The following EXOC1L variants were observed in gnomAD, a reference collection of about 807,000 sequenced individuals.
The protein encoded by EXOC1L is exocyst complex component 1-like.
Under a neutral mutation model 4.9 loss-of-function variants are expected in EXOC1L, and 10 were observed. The ratio of observed to expected loss-of-function variants is 2.02; its 90% CI spans 1.25 to 3.43. EXOC1L has a LOEUF of 3.43. EXOC1L is among the 30% of genes most tolerant of loss of function. EXOC1L has a pLI of 0.00. For missense variants in EXOC1L, 114 were observed against 59.4 expected (o/e 1.92, Z -3.02); for synonymous variants, 41 against 20.8 (o/e 1.97, Z -2.63).
rs1220655935 is a variant in EXOC1L, at chr4:55,831,338, CA to C, written c.131del (p.Lys44ArgfsTer4). The C allele has an allele frequency of 6.2e-6, 4 of 641,780 alleles. No homozygotes were observed. Among genetic ancestry groups the C allele is most frequent in the Non-Finnish European group, 8.3e-6 (3 of 359,620 alleles). The allele number at this position is 641,780 out of a possible 1,614,324, so 39.8% of individuals were successfully genotyped here. A position where few individuals can be genotyped will look rare whatever the true frequency, so the allele number is the denominator to read the frequency against. On this transcript the variant is annotated frameshift_variant, in exon 2 of 3. Coordinates refer to ENST00000636125, the MANE Select transcript of EXOC1L (RefSeq NM_001351574.3). LOFTEE classifies it high-confidence loss of function. Reference sequence around the variant, plus strand: ...AAGTATTTTTCTGTCCTACAGTGACCAAAAAGGAAGAAGTAAAAATAGTCAT... The same window carrying C: ...AAGTATTTTTCTGTCCTACAGTGACCAAAAGGAAGAAGTAAAAATAGTCAT... ...DRYYLCVSVT[K>X]KEEVKIVMVK...
At chr4:55,824,698 A>C (rs922687148) in intron 1 of EXOC1L, among the ~76,000 whole-genome samples, 2 of 152,100 alleles carry the variant, frequency 1.3e-5, no homozygotes, top group Non-Finnish European at 2.9e-5. Context: ...TGACTCTCCA[A>C]ATCAGGGTAA....
At chr4:55,823,718 T>C (rs1051266389) in intron 1 of EXOC1L, among the ~76,000 whole-genome samples, 1 of 152,096 alleles carries the variant, frequency 6.6e-6, no homozygotes, top group South Asian at 2.1e-4. Context: ...TTTGTTCGTT[T>C]GTTTGTTTGA....
chr4:55,835,867 G>C (rs1720146985), intron 2 of EXOC1L, among the ~76,000 whole-genome samples: 1 of 151,606 alleles, frequency 6.6e-6, no homozygotes, highest in Non-Finnish European at 1.5e-5. Flanking sequence ...ATTATGTTTT[G>C]TTTTTAACTT....
At chr4:55,828,231 A>AGTGTTAGTGCATGAAGGAGT (rs1719933432) in intron 1 of EXOC1L, among the ~76,000 whole-genome samples, 1 of 152,146 alleles carries the variant, frequency 6.6e-6, no homozygotes, top group Non-Finnish European at 1.5e-5. Flanking sequence ...GCACTCAAAT[A>AGTGTTAGTGCATGAAGGAGT]GTGTTAGTGC....
rs548687804 is a variant in EXOC1L at position 55,836,267 on chromosome 4, A to C, written c.253-818A>C. Among the ~76,000 whole-genome samples, 35 of 152,016 alleles carry C rather than the reference A, an allele frequency of 2.3e-4. 1 individual carries two copies. Among genetic ancestry groups the C allele is most frequent in the African/African-American group, 8.4e-4 (35 of 41,538 alleles). The stretch of plus-strand genomic sequence containing the variant: ...ACTACTTCAGGTCAGTTCAACACAC[A>C]TTTGTTGAGAAATTAGTAGTCATCA... On this transcript the variant is annotated intron_variant, in intron 2 of 2. Transcript: ENST00000636125.
intron 1 of EXOC1L, among the ~76,000 whole-genome samples, chr4:55,824,273 T>TCTCACA (rs762230810): frequency 3.4e-5 from 5 of 147,178 alleles, no homozygotes; most frequent in Non-Finnish European, 7.5e-5. Flanking sequence ...TCTCTCTCTC[T>TCTCACA]CACACACACA....
intron 1 of EXOC1L, among the ~76,000 whole-genome samples, chr4:55,826,198 C>T (rs1719880619): frequency 6.6e-6 from 1 of 152,002 alleles, no homozygotes; most frequent in Admixed American, 6.6e-5. Context: ...TAACATTTCA[C>T]TGATGCTGCT....
At chr4:55,830,342 C>T (rs892738211) in intron 1 of EXOC1L, among the ~76,000 whole-genome samples, 10 of 152,114 alleles carry the variant, frequency 6.6e-5, no homozygotes, top group Non-Finnish European at 1.5e-4. Context: ...CTTAGGCATT[C>T]GATCCCCACC....
chr4:55,834,834 C>G (rs1052592974), intron 2 of EXOC1L, among the ~76,000 whole-genome samples: 5 of 151,228 alleles, frequency 3.3e-5, no homozygotes, highest in Non-Finnish European at 7.4e-5. Context: ...TTATTTATAT[C>G]TTTTTATTTC....
At chr4:55,830,532 C>T (rs1720003607) in intron 1 of EXOC1L, among the ~76,000 whole-genome samples, 1 of 152,138 alleles carries the variant, frequency 6.6e-6, no homozygotes, top group South Asian at 2.1e-4. Context: ...ATTATAATAA[C>T]TCATTGATAA....
rs868071162 is a variant in EXOC1L at position 55,837,048 on chromosome 4, G to C, written c.253-37G>C. ...ATCCAGGAAACCTAACTACTTTCTT[G>C]GCTACCAACTAAATCATGTCTCTCA... On this transcript the variant is annotated intron_variant, in intron 2 of 2. Coordinates refer to ENST00000636125, the MANE Select transcript of EXOC1L (RefSeq NM_001351574.3). 1.4e-5 allele frequency: 9 copies of C among 643,254 alleles called. No homozygotes were observed. The Middle Eastern group carries it at 7.3e-4, about 52-fold the overall frequency. 39.8% of individuals were successfully genotyped at this position (643,254 alleles called of 1,614,324 possible). A position where few individuals can be genotyped will look rare whatever the true frequency, so the allele number is the denominator to read the frequency against.
chr4:55,826,296 T>A (rs994990032), intron 1 of EXOC1L, among the ~76,000 whole-genome samples: 2 of 151,910 alleles, frequency 1.3e-5, no homozygotes, highest in African/African-American at 4.8e-5. Context: ...AAAAGAAGAG[T>A]TGTTTCTTTA....
chr4:55,819,883 G>C lies in EXOC1L; in HGVS notation c.-144G>C, dbSNP rs17086086. 0.033 allele frequency: 12,662 copies of C among 385,590 alleles called. 350 individuals are homozygous for C. Among genetic ancestry groups the C allele is most frequent in the Admixed American group, 0.089 (1,993 of 22,302 alleles). The allele number at this position is 385,590 out of a possible 1,614,324, so 23.9% of individuals were successfully genotyped here. On this transcript the variant is annotated 5_prime_UTR_variant, in exon 1 of 3. Coordinates refer to ENST00000636125, the MANE Select transcript of EXOC1L (RefSeq NM_001351574.3). Reference sequence around the variant, plus strand: ...CTCTCGGGAATCTGGGCTCTGGCTAGGAATGAGAAGTTAAGAGAGGGAGGG... The same window carrying C: ...CTCTCGGGAATCTGGGCTCTGGCTACGAATGAGAAGTTAAGAGAGGGAGGG...
At chr4:55,830,968 T>A (rs143098408) in intron 1 of EXOC1L, among the ~76,000 whole-genome samples, 1 of 152,316 alleles carries the variant, frequency 6.6e-6, no homozygotes, top group Non-Finnish European at 1.5e-5. Context: ...TTCCAACGTG[T>A]TCTGATAAAC....
intron 1 of EXOC1L, among the ~76,000 whole-genome samples, chr4:55,824,229 G>A (rs1351162123): frequency 2.1e-5 from 3 of 143,202 alleles, no homozygotes; most frequent in African/African-American, 7.7e-5. Flanking sequence ...TATTATTTTT[G>A]TTCAAGACTC....
chr4:55,819,906 G>C lies in EXOC1L; in HGVS notation c.-121G>C, dbSNP rs910981453. On this transcript the variant is annotated 5_prime_UTR_variant, in exon 1 of 3. Transcript: ENST00000636125. ...TAGGAATGAGAAGTTAAGAGAGGGA[G>C]GGCTGAGAGGTGGGCAGGACTCACC... 5 of 391,650 alleles carry C rather than the reference G, an allele frequency of 1.3e-5. No individual in the cohort carries two copies. The Admixed American group carries it at 1.3e-4, about 10-fold the overall frequency. The allele number at this position is 391,650 out of a possible 1,614,324, so 24.3% of individuals were successfully genotyped here.
chr4:55,823,295 G>T (rs914857443), intron 1 of EXOC1L, among the ~76,000 whole-genome samples: 2 of 152,076 alleles, frequency 1.3e-5, no homozygotes, highest in African/African-American at 4.8e-5. Context: ...AATGAGAAAA[G>T]GAGGTTGCTA....
At chr4:55,835,315 A>G (rs1720132531) in intron 2 of EXOC1L, among the ~76,000 whole-genome samples, 1 of 151,820 alleles carries the variant, frequency 6.6e-6, no homozygotes, top group Admixed American at 6.6e-5. Flanking sequence ...TACTATAAAC[A>G]TGCATGTGTA....
chr4:55,828,667 C>T (rs571835286), intron 1 of EXOC1L, among the ~76,000 whole-genome samples: 9 of 152,066 alleles, frequency 5.9e-5, no homozygotes, highest in Admixed American at 2.6e-4. Context: ...TACAGTGAGA[C>T]CCGTCTCTAC....
Sources: allele counts gnomAD v4.1 joint callset (sites outside exome capture counted in the v4.1 genomes callset), GRCh38; gene constraint gnomAD v4.1.1; transcripts MANE v1.5; gene names NCBI Gene and HGNC (gene_info 2026-07-23, HGNC 2026-07-21).